The following PHEX variants were observed in gnomAD, a reference collection of about 807,000 sequenced individuals.
PHEX encodes phosphate-regulating neutral endopeptidase PHEX.
Under a neutral mutation model 68.0 loss-of-function variants are expected in PHEX, and 16 were observed. The ratio of observed to expected loss-of-function variants is 0.24; its 90% CI spans 0.16 to 0.36. PHEX has a LOEUF of 0.36. PHEX is among the 10% of genes least tolerant of loss of function. The pLI, the probability that PHEX is intolerant of heterozygous loss-of-function variation, is 1.00. For synonymous variants in PHEX, 208 were observed against 205.1 expected (o/e 1.01, Z -0.12); for missense variants, 480 against 575.5 (o/e 0.83, Z 1.70).
At position 22,248,236 on chromosome X, in the gene PHEX, C is replaced by G. The variant is rs1008617145; in HGVS notation, c.*283C>G. On this transcript the variant is annotated 3_prime_UTR_variant, in exon 22 of 22. Transcript: ENST00000379374. ...TAAAATGCTATCTGCTAAATTGTTG[C>G]TATTGTCCATTTTAGGGTGTTGGCC... The G allele has an allele frequency of 2.6e-5, 9 of 342,580 alleles. No individual in the cohort carries two copies. Among genetic ancestry groups the G allele is most frequent in the Non-Finnish European group, 4.1e-5 (8 of 193,614 alleles). The allele number at this position is 342,580 out of a possible 1,213,427, so 28.2% of individuals were successfully genotyped here.
chrX:22,059,778 A>G (rs938261836), intron 3 of PHEX, among the ~76,000 whole-genome samples: 3 of 111,602 alleles, frequency 2.7e-5, no homozygotes, highest in East Asian at 2.8e-4. Flanking sequence ...CTCATGCCCA[A>G]ATCTTTGAGT....
At chrX:22,078,132 C>T (rs12014098) in intron 5 of PHEX, among the ~76,000 whole-genome samples, 6,806 of 111,908 alleles carry the variant, frequency 0.061, 294 homozygotes, top group African/African-American at 0.15. Flanking sequence ...TGTGCACACA[C>T]CTAAATTTTA....
chrX:22,148,838 G>T (rs1932776304), intron 12 of PHEX, among the ~76,000 whole-genome samples: 2 of 110,591 alleles, frequency 1.8e-5, no homozygotes, highest in African/African-American at 6.6e-5. Flanking sequence ...TTTCTGTTTA[G>T]CTCAAGACCA....
At chrX:22,209,884 G>A (rs1416394494) in intron 15 of PHEX, among the ~76,000 whole-genome samples, 2 of 105,865 alleles carry the variant, frequency 1.9e-5, no homozygotes, top group Non-Finnish European at 3.9e-5. Flanking sequence ...TAAGTACACT[G>A]ATAGAAAAAG....
chrX:22,235,940 G>A (rs944680632), intron 20 of PHEX, among the ~76,000 whole-genome samples: 5 of 110,540 alleles, frequency 4.5e-5, no homozygotes, highest in African/African-American at 1.7e-4. Flanking sequence ...CCACATTGAA[G>A]CCAAATACCT....
In PHEX at chrX:22,249,455, A is replaced by AAAAAAAT; in HGVS notation, c.*1503_*1504insAAAAATA. 4.3e-4 allele frequency: 17 copies of AAAAAAAT among 39,752 alleles called. No individual in the cohort carries two copies. The highest frequency in any genetic ancestry group is 1.2e-3 in the African/African-American group (7 of 6,013). The allele number at this position is 39,752 out of a possible 1,213,427, so 3.3% of individuals were successfully genotyped here. A position where few individuals can be genotyped will look rare whatever the true frequency, so the allele number is the denominator to read the frequency against. On this transcript the variant is annotated 3_prime_UTR_variant, in exon 22 of 22. Coordinates refer to ENST00000379374, the MANE Select transcript of PHEX (RefSeq NM_000444.6). ...TTGTGATTCTTTTAAAAAAAAAAAA[A>AAAAAAAT]ATATATATATATATATATATATATA...
chrX:22,091,129 C>T (rs1018806793), intron 6 of PHEX, among the ~76,000 whole-genome samples: 11 of 111,813 alleles, frequency 9.8e-5, no homozygotes, highest in Non-Finnish European at 1.9e-4. Context: ...CTTTATTGAA[C>T]TTCCAAAGGA....
intron 12 of PHEX, among the ~76,000 whole-genome samples, chrX:22,151,467 G>A (rs1162354308): frequency 3.6e-5 from 4 of 111,679 alleles, no homozygotes; most frequent in Admixed American, 9.5e-5. Context: ...GACAGTGCTA[G>A]GATTCCTAAG....
At position 22,092,749 on chromosome X, in the gene PHEX, CT is replaced by C. The variant is rs370527485; in HGVS notation, c.733-1216del. ...AAGACTTCTTTTCTTTTCTTTCTTT[CT>C]TTTTTTTTTTTTTTTTTGAGATGGA... On this transcript the variant is annotated intron_variant, in intron 6 of 21. Coordinates refer to ENST00000379374, the MANE Select transcript of PHEX (RefSeq NM_000444.6). Among the ~76,000 whole-genome samples, 44 of 77,918 alleles carry C rather than the reference CT, an allele frequency of 5.6e-4. No homozygotes were observed. In the South Asian group the frequency reaches 7.2e-3, roughly 13 times the overall value. 67.7% of individuals were successfully genotyped at this position (77,918 alleles called of 115,157 possible). A position where few individuals can be genotyped will look rare whatever the true frequency, so the allele number is the denominator to read the frequency against.
At chrX:22,223,717 AAGAG>A (rs1935345820) in intron 18 of PHEX, among the ~76,000 whole-genome samples, 1 of 112,550 alleles carries the variant, frequency 8.9e-6, no homozygotes, top group Non-Finnish European at 1.9e-5. Flanking sequence ...GTGTGGGTGA[AAGAG>A]AGAGACCCTG....
rs944490976 is a variant in PHEX at position 22,035,918 on chromosome X, G to A, written c.119-2551G>A. Among the ~76,000 whole-genome samples the A allele has an allele frequency of 2.9e-5, 3 of 105,212 alleles. No individual in the cohort carries two copies. The South Asian group carries it at 1.3e-3, about 45-fold the overall frequency. The allele number at this position is 105,212 out of a possible 115,157, so 91.4% of individuals were successfully genotyped here. ...GCTTATTGATCCTCATTTATTTGGA[G>A]AATTTTAAAATAACCCCATCCATGG... On this transcript the variant is annotated intron_variant, in intron 1 of 21. Transcript: ENST00000379374.
chrX:22,040,525 G>A (rs1032612023), intron 2 of PHEX, among the ~76,000 whole-genome samples: 28 of 111,746 alleles, frequency 2.5e-4, no homozygotes, highest in African/African-American at 8.1e-4. Context: ...TTAAAAAAAA[G>A]ATAGAACAAT....
chrX:22,234,618 C>A (rs990486045), intron 20 of PHEX, among the ~76,000 whole-genome samples: 9 of 109,852 alleles, frequency 8.2e-5, no homozygotes, highest in Non-Finnish European at 1.3e-4. Context: ...CCCTTCCCCC[C>A]CCAAGCTCAA....
intron 5 of PHEX, among the ~76,000 whole-genome samples, chrX:22,089,569 C>T (rs1478385163): frequency 4.6e-5 from 5 of 109,353 alleles, no homozygotes; most frequent in East Asian, 5.7e-4. Context: ...TACAGCCACA[C>T]GCTACCATAC....
At chrX:22,051,434 G>A (rs1226868442) in intron 3 of PHEX, among the ~76,000 whole-genome samples, 2 of 111,365 alleles carry the variant, frequency 1.8e-5, no homozygotes, top group African/African-American at 6.5e-5. Context: ...AGGAGGCTGA[G>A]GCAGGAGAAT....
intron 8 of PHEX, among the ~76,000 whole-genome samples, 200 bp from the exon 9 acceptor site, chrX:22,098,795 CAAAAAAAAAAA>C (rs746223770): frequency 0.039 from 442 of 11,318 alleles, 10 homozygotes; most frequent in East Asian, 0.28. Flanking sequence ...GAGAATGTCT[CAAAAAAAAAAA>C]AAAAAAAAAA....
intron 5 of PHEX, among the ~76,000 whole-genome samples, chrX:22,084,781 T>C (rs2147029358): frequency 9.0e-6 from 1 of 111,115 alleles, no homozygotes; most frequent in East Asian, 2.8e-4. Context: ...TGTTCCACTT[T>C]GTTGGCATAT....
At chrX:22,096,494 A>G (rs910311677) in intron 7 of PHEX, among the ~76,000 whole-genome samples, 2 of 112,231 alleles carry the variant, frequency 1.8e-5, no homozygotes, top group Non-Finnish European at 3.8e-5. Flanking sequence ...GCTGTTGACA[A>G]AATGATCACG....
intron 2 of PHEX, among the ~76,000 whole-genome samples, chrX:22,040,465 T>TGAAA (rs1455507201): frequency 9.0e-6 from 1 of 111,268 alleles, no homozygotes; most frequent in African/African-American, 3.3e-5. Context: ...ACCCCATCTC[T>TGAAA]GAAAGAAAGA....
Sources: allele counts gnomAD v4.1 joint callset (sites outside exome capture counted in the v4.1 genomes callset), GRCh38; gene constraint gnomAD v4.1.1; transcripts MANE v1.5; gene names NCBI Gene and HGNC (gene_info 2026-07-23, HGNC 2026-07-21).